Variants in PLXDC1 observed in about 807,000 individuals in gnomAD.
PLXDC1 encodes the protein plexin domain containing 1.
A neutral mutation model predicts 61.3 loss-of-function variants in PLXDC1; 39 were observed. The observed-to-expected ratio is 0.64, with a 90% CI of 0.49 to 0.83. The LOEUF (loss-of-function observed/expected upper bound fraction) is 0.83, where lower values mean the gene tolerates loss of function less well. Among genes scored for constraint, PLXDC1 ranks in the 40% least tolerant of loss-of-function variants. PLXDC1 has a pLI of 0.00. For missense variants in PLXDC1, 596 were observed against 666.5 expected (o/e 0.89, Z 1.17); for synonymous variants, 212 against 254.5 (o/e 0.83, Z 1.59).
intron 2 of PLXDC1, among the ~76,000 whole-genome samples, chr17:39,116,830 G>C (rs1229905722): frequency 6.6e-6 from 1 of 152,244 alleles, no homozygotes; most frequent in Non-Finnish European, 1.5e-5. Flanking sequence ...GCTGCCTATA[G>C]CCACTGAGGC....
intron 2 of PLXDC1, among the ~76,000 whole-genome samples, chr17:39,130,773 G>C (rs1911534037): frequency 6.6e-6 from 1 of 152,056 alleles, no homozygotes; most frequent in South Asian, 2.1e-4. Context: ...CGTTGGCCGG[G>C]TTGGTCTCGA....
intron 12 of PLXDC1, 150 bp downstream of exon 12, chr17:39,072,299 TC>T (rs1909150304): frequency 1.5e-6 from 1 of 667,110 alleles, no homozygotes; most frequent in South Asian, 1.7e-5. Flanking sequence ...CCCCCCTGCC[TC>T]CCCACCCAGC....
At chr17:39,135,244 T>G (rs1237665310) in intron 2 of PLXDC1, among the ~76,000 whole-genome samples, 2 of 152,216 alleles carry the variant, frequency 1.3e-5, no homozygotes, top group African/African-American at 4.8e-5. Flanking sequence ...AGGGACCTCC[T>G]TCCAGGTGGC....
chr17:39,093,208 C>A (rs1910020578), intron 7 of PLXDC1, among the ~76,000 whole-genome samples: 1 of 152,084 alleles, frequency 6.6e-6, no homozygotes. Context: ...AGCTCCACCT[C>A]CCCCACCAAA....
intron 7 of PLXDC1, among the ~76,000 whole-genome samples, chr17:39,089,687 G>A (rs1162209365): frequency 6.6e-6 from 1 of 152,184 alleles, no homozygotes; most frequent in African/African-American, 2.4e-5. Context: ...GCTGAGTAGG[G>A]GCATCCACAA....
chr17:39,110,699 G>T (rs1910766973), intron 2 of PLXDC1, among the ~76,000 whole-genome samples: 1 of 152,254 alleles, frequency 6.6e-6, no homozygotes, highest in South Asian at 2.1e-4. Flanking sequence ...CATTCTCCCT[G>T]CCAGGCTGCC....
intron 2 of PLXDC1, among the ~76,000 whole-genome samples, chr17:39,139,219 A>G (rs1321396299): frequency 2.6e-5 from 4 of 152,194 alleles, no homozygotes; most frequent in Admixed American, 2.6e-4. Context: ...CTGAGTGCCC[A>G]GCCCTTAGGC....
intron 7 of PLXDC1, among the ~76,000 whole-genome samples, chr17:39,104,418 C>T (rs1405406268): frequency 6.6e-6 from 1 of 151,966 alleles, no homozygotes; most frequent in Non-Finnish European, 1.5e-5. Flanking sequence ...AGCCCTGGTC[C>T]TTTCCTTCAG....
intron 5 of PLXDC1, 191 bp from the exon 6 acceptor site, chr17:39,107,716 G>A (rs1910648619): frequency 1.6e-6 from 1 of 622,984 alleles, no homozygotes; most frequent in Admixed American, 2.6e-5. Flanking sequence ...AGAGGAGCCA[G>A]AAGATCCTGC....
chr17:39,117,796 G>T (rs1911025579), intron 2 of PLXDC1, among the ~76,000 whole-genome samples: 1 of 152,158 alleles, frequency 6.6e-6, no homozygotes, highest in African/African-American at 2.4e-5. Flanking sequence ...CTGAGTAAAG[G>T]GTTTGATTGG....
chr17:39,087,119 C>T (rs544710133), intron 8 of PLXDC1, among the ~76,000 whole-genome samples: 2 of 152,170 alleles, frequency 1.3e-5, no homozygotes, highest in Non-Finnish European at 2.9e-5. Flanking sequence ...GAGTGGGGTG[C>T]AGAGGGCCAG....
At chr17:39,112,820 T>C (rs1401841411) in intron 2 of PLXDC1, among the ~76,000 whole-genome samples, 1 of 152,148 alleles carries the variant, frequency 6.6e-6, no homozygotes, top group Non-Finnish European at 1.5e-5. Context: ...CCTCCCTAAA[T>C]CCTGGGCTAT....
At chr17:39,140,380 C>A (rs1424364549) in intron 1 of PLXDC1, among the ~76,000 whole-genome samples, 1 of 152,138 alleles carries the variant, frequency 6.6e-6, no homozygotes, top group Non-Finnish European at 1.5e-5. Context: ...AGCTCCGCTC[C>A]CTGCAAGCTC....
At chr17:39,109,039 G>A in intron 3 of PLXDC1, 66 bp from the exon 4 acceptor site, 3 of 1,360,180 alleles carry the variant, frequency 2.2e-6, no homozygotes, top group Non-Finnish European at 3.1e-6. Context: ...CACCCACACT[G>A]CCTCATGCTT....
At chr17:39,109,499 C>A in intron 2 of PLXDC1, 108 bp from the exon 3 acceptor site, 1 of 1,351,966 alleles carries the variant, frequency 7.4e-7, no homozygotes. Flanking sequence ...AGTCACCACC[C>A]TCCCAGGGTG....
At chr17:39,138,654 G>C (rs576709690) in intron 2 of PLXDC1, among the ~76,000 whole-genome samples, 3 of 152,062 alleles carry the variant, frequency 2.0e-5, no homozygotes, top group East Asian at 1.9e-4. Flanking sequence ...GAAAGGGAAG[G>C]GGGCAGGCCC....
upstream of PLXDC1, among the ~76,000 whole-genome samples, chr17:39,152,191 A>G (rs1597665069): frequency 1.1e-5 from 1 of 94,218 alleles, no homozygotes; most frequent in East Asian, 3.2e-4. Flanking sequence ...TCCACCCCCC[A>G]TTTCCAGCAC....
rs145163361 is a variant in PLXDC1, at chr17:39,071,577, G to A, written c.1222+873C>T. On this transcript the variant is annotated intron_variant, in intron 12 of 13. Transcript: ENST00000315392. ...GGAGGACTGAGGTGAAATGCCCCAG[G>A]TGAGCCTCCCCTGACCTGGATGGCA... 1.5e-3 allele frequency among the ~76,000 whole-genome samples: 221 copies of A among 152,280 alleles called. 1 individual carries two copies. The highest frequency in any genetic ancestry group is 4.7e-3 in the African/African-American group (194 of 41,554).
At chr17:39,110,271 C>G (rs2143694261) in intron 2 of PLXDC1, among the ~76,000 whole-genome samples, 1 of 152,172 alleles carries the variant, frequency 6.6e-6, no homozygotes, top group South Asian at 2.1e-4. Flanking sequence ...AATACAGAAC[C>G]CAGAGTCCAC....
Sources: allele counts gnomAD v4.1 joint callset (sites outside exome capture counted in the v4.1 genomes callset), GRCh38; gene constraint gnomAD v4.1.1; transcripts MANE v1.5; gene names NCBI Gene and HGNC (gene_info 2026-07-23, HGNC 2026-07-21).